The following COLGALT1 variants were observed in gnomAD, a reference collection of about 807,000 sequenced individuals.
COLGALT1 encodes the protein collagen beta(1-O)galactosyltransferase 1, also known as procollagen galactosyltransferase 1.
A neutral mutation model predicts 60.8 loss-of-function variants in COLGALT1; 43 were observed. That is an observed-to-expected ratio of 0.71 (90% CI 0.55 to 0.91). The LOEUF (loss-of-function observed/expected upper bound fraction) is 0.91. Among genes scored for constraint, COLGALT1 ranks in the 40% least tolerant of loss-of-function variants. The pLI, the probability that COLGALT1 is intolerant of heterozygous loss-of-function variation, is 0.00. For synonymous variants in COLGALT1, 369 were observed against 374.2 expected, an observed-to-expected ratio of 0.99 and a Z score of 0.16; for missense variants, 845 against 880.0, an observed-to-expected ratio of 0.96 and a Z score of 0.50.
intron 4 of COLGALT1, among the ~76,000 whole-genome samples, chr19:17,567,930 C>T (rs560605575): frequency 1.3e-5 from 2 of 152,206 alleles, no homozygotes; most frequent in African/African-American, 2.4e-5. Flanking sequence ...GCCTGGGTGA[C>T]GGAGTGAGAC....
rs1196535676 is a variant in COLGALT1, at chr19:17,555,959, G to T, written c.246G>T (p.Glu82Asp). Residue 82 changes from glutamate (E) to aspartate (D), a missense_variant, in exon 1 of 12, where the codon GAG becomes GAT. Transcript: ENST00000252599. ...GALERLRHPR[E>D]RTALWVATDH... Reference sequence around the variant, plus strand: ...TCGAGCGGCTGCGGCACCCGCGGGAGCGCACGGCGCTATGGTGAGTCGAGC... The same window carrying T: ...TCGAGCGGCTGCGGCACCCGCGGGATCGCACGGCGCTATGGTGAGTCGAGC... The T allele has an allele frequency of 7.3e-7, 1 of 1,378,578 alleles. No homozygotes were observed. Among genetic ancestry groups the T allele is most frequent in the African/African-American group, 1.5e-5 (1 of 66,208 alleles). The allele number at this position is 1,378,578 out of a possible 1,614,324, so 85.4% of individuals were successfully genotyped here. A position where few individuals can be genotyped will look rare whatever the true frequency, so the allele number is the denominator to read the frequency against.
Position 17,559,200 on chromosome 19 carries a change from A to G in COLGALT1, c.261-111A>G. ...AAAGGGAGAAGTGTCCTGTCCAGGG[A>G]TACATAGCTGGTGGGAGGCCAGTTG... On this transcript the variant is annotated intron_variant, in intron 1 of 11. Coordinates refer to ENST00000252599, the MANE Select transcript of COLGALT1 (RefSeq NM_024656.4). 3 of 732,990 alleles carry G rather than the reference A, an allele frequency of 4.1e-6. No individual in the cohort carries two copies. In the South Asian group the frequency reaches 4.5e-5, roughly 11 times the overall value. The allele number at this position is 732,990 out of a possible 1,614,324, so 45.4% of individuals were successfully genotyped here.
At chr19:17,572,135 C>A (rs1283230492) in intron 5 of COLGALT1, among the ~76,000 whole-genome samples, 1 of 151,664 alleles carries the variant, frequency 6.6e-6, no homozygotes, top group African/African-American at 2.4e-5. Context: ...CATGATGAAA[C>A]CCCGTCTCTA....
intron 5 of COLGALT1, among the ~76,000 whole-genome samples, chr19:17,569,929 C>G (rs1400257977): frequency 8.3e-6 from 1 of 120,270 alleles, no homozygotes; most frequent in Non-Finnish European, 1.6e-5. Context: ...GAGTCTCGCT[C>G]TGTCGCCCAG....
chr19:17,568,405 G>A lies in COLGALT1; in HGVS notation c.625-104G>A, dbSNP rs2076291590. 3.5e-5 allele frequency: 35 copies of A among 1,002,778 alleles called. No homozygotes were observed. In the South Asian group the frequency reaches 4.5e-4, roughly 13 times the overall value. 62.1% of individuals were successfully genotyped at this position (1,002,778 alleles called of 1,614,324 possible). ...CCTGGGACCACAGGCGCACACTGCT[G>A]TGCCTGGCTGTCTGTCTGGTCCTGT... On this transcript the variant is annotated intron_variant, in intron 4 of 11. Coordinates refer to ENST00000252599, the MANE Select transcript of COLGALT1 (RefSeq NM_024656.4).
intron 11 of COLGALT1, 84 bp downstream of exon 11, chr19:17,580,989 G>T: frequency 6.6e-7 from 1 of 1,522,244 alleles, no homozygotes. Flanking sequence ...CACGGCCTCC[G>T]AGAAGATGTC....
chr19:17,559,462 C>T (rs1198006486), intron 2 of COLGALT1, 41 bp downstream of exon 2: 11 of 1,450,076 alleles, frequency 7.6e-6, no homozygotes, highest in African/African-American at 1.4e-5. Flanking sequence ...TTGGGCTTTG[C>T]CTCTGCTCAC....
At chr19:17,579,167 C>CA (rs773192619) in intron 9 of COLGALT1, among the ~76,000 whole-genome samples, 1,222 of 75,522 alleles carry the variant, frequency 0.016, 6 homozygotes, top group Middle Eastern at 0.027. Context: ...GACTCCGTCT[C>CA]AAAAAAAAAA....
Position 17,561,218 on chromosome 19 carries a change from C to A in COLGALT1, c.489+753C>A, listed in dbSNP as rs568809446. ...TGAGACTCCATCTCATAAATAAATA[C>A]ATAAATAAATATTTTTAAAAAATAA... On this transcript the variant is annotated intron_variant, in intron 3 of 11. Transcript: ENST00000252599. Among the ~76,000 whole-genome samples, 183 of 151,522 alleles carry A rather than the reference C, an allele frequency of 1.2e-3. 1 individual carries two copies. The highest frequency in any genetic ancestry group is 4.4e-3 in the African/African-American group (180 of 41,376).
chr19:17,575,774 A>G (rs574787625), intron 6 of COLGALT1, among the ~76,000 whole-genome samples: 2 of 152,112 alleles, frequency 1.3e-5, no homozygotes, highest in East Asian at 1.9e-4. Flanking sequence ...CTCCTGGGCA[A>G]TCCTTCTGCC....
At chr19:17,564,291 GTGTATACA>G (rs961121291) in intron 3 of COLGALT1, among the ~76,000 whole-genome samples, 16 of 148,178 alleles carry the variant, frequency 1.1e-4, no homozygotes, top group Non-Finnish European at 2.1e-4. Context: ...GTGTGCGTGT[GTGTATACA>G]TATATACATA....
intron 6 of COLGALT1, among the ~76,000 whole-genome samples, chr19:17,575,794 C>T (rs2076337318): frequency 6.6e-6 from 1 of 152,130 alleles, no homozygotes; most frequent in African/African-American, 2.4e-5. Context: ...CTCAGCCTCC[C>T]AAGGAGCTAC....
chr19:17,577,024 C>A, intron 6 of COLGALT1, 171 bp from the exon 7 acceptor site: 1 of 438,840 alleles, frequency 2.3e-6, no homozygotes, highest in Non-Finnish European at 4.1e-6. Context: ...GTGCAGGGTT[C>A]AAATGACATG....
At position 17,568,494 on chromosome 19, in the gene COLGALT1, GCT is replaced by G. The variant is rs771445595; in HGVS notation, c.625-9_625-8del. On this transcript the variant is annotated splice_polypyrimidine_tract_variant and intron_variant, in intron 4 of 11. Transcript: ENST00000252599. ...TTCAAGACCCCTACGCGGAACTCTC[GCT>G]CTCTCCCCACAGGGCTACTACAAGC... 1.2e-6 allele frequency: 2 copies of G among 1,610,820 alleles called. No individual in the cohort carries two copies. Among genetic ancestry groups the G allele is most frequent in the Non-Finnish European group, 1.7e-6 (2 of 1,177,270 alleles).
At chr19:17,563,719 G>C (rs2076263103) in intron 3 of COLGALT1, among the ~76,000 whole-genome samples, 1 of 151,970 alleles carries the variant, frequency 6.6e-6, no homozygotes, top group Non-Finnish European at 1.5e-5. Flanking sequence ...TCGAACTCCT[G>C]ACTTCAGGTG....
intron 5 of COLGALT1, among the ~76,000 whole-genome samples, chr19:17,571,062 C>T (rs1428556232): frequency 6.6e-6 from 1 of 152,132 alleles, no homozygotes; most frequent in Non-Finnish European, 1.5e-5. Context: ...AGATAGAAAC[C>T]GTCTGGCACA....
intron 2 of COLGALT1, among the ~76,000 whole-genome samples, chr19:17,559,880 TG>T (rs1478820055): frequency 6.6e-6 from 1 of 152,102 alleles, no homozygotes; most frequent in African/African-American, 2.4e-5. Context: ...CTTTAACTCC[TG>T]GGCTCAAGCC....
chr19:17,568,711 C>A lies in COLGALT1; in HGVS notation c.827C>A (p.Ala276Glu), dbSNP rs762661375. 2.5e-6 allele frequency: 4 copies of A among 1,614,158 alleles called. No homozygotes were observed. The highest frequency in any genetic ancestry group is 3.4e-6 in the Non-Finnish European group (4 of 1,180,010). The change falls in exon 5 of 12, where the codon GCA (alanine) becomes GAA (glutamate). Residue 276 changes from alanine to glutamate, a missense_variant and splice_region_variant. Transcript: ENST00000252599. ...GTCTTTGCCTTCTCCTGCAAGCAGG[C>A]AGGTACGTACATGAGGGGTCTGCCA... ...IIVFAFSCKQAEVQMYVCNKE... is the reference protein window; with the variant it reads ...IIVFAFSCKQEEVQMYVCNKE...
chr19:17,580,367 G>A, intron 10 of COLGALT1: 1 of 390,894 alleles, frequency 2.6e-6, no homozygotes, highest in South Asian at 2.9e-5. Context: ...ATTCCTGACT[G>A]CCCCCCCATC....
Sources: allele counts gnomAD v4.1 joint callset (sites outside exome capture counted in the v4.1 genomes callset), GRCh38; gene constraint gnomAD v4.1.1; transcripts MANE v1.5; gene names NCBI Gene and HGNC (gene_info 2026-07-23, HGNC 2026-07-21).